Variants in DNAJC1 observed in about 807,000 individuals in gnomAD.
The protein encoded by DNAJC1 is dnaJ homolog subfamily C member 1.
A neutral mutation model predicts 76.6 loss-of-function variants in DNAJC1; 58 were observed. The observed-to-expected ratio is 0.76, with a 90% confidence interval of 0.61 to 0.94. DNAJC1 has a LOEUF of 0.94. Ranked by LOEUF, DNAJC1 falls within the 40% of genes least tolerant of loss-of-function variation. DNAJC1 has a pLI of 0.00. For synonymous variants in DNAJC1, 258 were observed against 267.9 expected, an observed-to-expected ratio of 0.96 and a Z score of 0.36; for missense variants, 689 against 677.3, an observed-to-expected ratio of 1.02 and a Z score of -0.19.
At chr10:21,814,186 C>CT (rs1370527768) in intron 8 of DNAJC1, among the ~76,000 whole-genome samples, 1 of 152,176 alleles carries the variant, frequency 6.6e-6, no homozygotes, top group Non-Finnish European at 1.5e-5. Flanking sequence ...GCAAATGTCA[C>CT]TTCCTTTTAC....
chr10:21,910,900 A>G (rs1378427881), intron 6 of DNAJC1, among the ~76,000 whole-genome samples: 1 of 145,552 alleles, frequency 6.9e-6, no homozygotes, highest in African/African-American at 2.6e-5. Flanking sequence ...AAAGGAAGGA[A>G]AGAAAAGGAA....
At chr10:21,990,960 T>C (rs1838318305) in intron 1 of DNAJC1, among the ~76,000 whole-genome samples, 1 of 152,136 alleles carries the variant, frequency 6.6e-6, no homozygotes, top group Admixed American at 6.5e-5. Flanking sequence ...GTGTACTCAT[T>C]AGGAGTTATG....
intron 1 of DNAJC1, among the ~76,000 whole-genome samples, chr10:21,985,897 C>T (rs754516500): frequency 4.6e-5 from 7 of 151,998 alleles, no homozygotes; most frequent in African/African-American, 9.7e-5. Flanking sequence ...CTAGGAGGAA[C>T]TGAGATGAAT....
chr10:21,997,317 C>G (rs1564848922), intron 1 of DNAJC1, among the ~76,000 whole-genome samples: 1 of 152,148 alleles, frequency 6.6e-6, no homozygotes. Flanking sequence ...ATAACTGATA[C>G]AGCTATTGAA....
intron 9 of DNAJC1, among the ~76,000 whole-genome samples, chr10:21,772,154 A>AT (rs553130424): frequency 1.0e-3 from 152 of 147,988 alleles, no homozygotes; most frequent in African/African-American, 3.2e-3. Context: ...ATTTTTTGAG[A>AT]TTTTTTTCAT....
At chr10:21,881,268 TTGCTTA>T (rs1836271091) in intron 8 of DNAJC1, among the ~76,000 whole-genome samples, 1 of 152,208 alleles carries the variant, frequency 6.6e-6, no homozygotes, top group Non-Finnish European at 1.5e-5. Context: ...GTTGTTTTGC[TTGCTTA>T]CCTTTGATGT....
At chr10:21,813,048 CACACATATATATACATATAT>C (rs1362933642) in intron 8 of DNAJC1, among the ~76,000 whole-genome samples, 6 of 143,676 alleles carry the variant, frequency 4.2e-5, no homozygotes, top group Non-Finnish European at 7.5e-5. Context: ...CACACACACA[CACACATATATATACATATAT>C]ACATATATAT....
intron 9 of DNAJC1, among the ~76,000 whole-genome samples, chr10:21,789,681 A>G (rs1415461648): frequency 3.3e-5 from 5 of 152,182 alleles, no homozygotes; most frequent in African/African-American, 1.2e-4. Context: ...AAAGAATCAA[A>G]TAGAAATCCT....
At chr10:21,896,742 G>A (rs912065157) in intron 7 of DNAJC1, among the ~76,000 whole-genome samples, 1 of 151,986 alleles carries the variant, frequency 6.6e-6, no homozygotes, top group African/African-American at 2.4e-5. Context: ...GGAAGGGGGG[G>A]GTTCAGAAGT....
intron 9 of DNAJC1, among the ~76,000 whole-genome samples, chr10:21,783,221 A>G (rs1209911203): frequency 6.6e-6 from 1 of 152,126 alleles, no homozygotes; most frequent in Non-Finnish European, 1.5e-5. Flanking sequence ...TACAAAATCA[A>G]TGTGCAAAAA....
At chr10:22,002,340 G>A (rs1838532045) in intron 1 of DNAJC1, among the ~76,000 whole-genome samples, 1 of 152,136 alleles carries the variant, frequency 6.6e-6, no homozygotes, top group African/African-American at 2.4e-5. Context: ...CTTCTCCTTC[G>A]CACAAGGCTT....
intron 1 of DNAJC1, among the ~76,000 whole-genome samples, chr10:21,992,705 A>T (rs1036649897): frequency 2.0e-5 from 3 of 152,228 alleles, no homozygotes; most frequent in Non-Finnish European, 4.4e-5. Flanking sequence ...GCTGTCAAAA[A>T]TCTGAAATAT....
chr10:21,944,551 T>C (rs1007359850), intron 1 of DNAJC1, among the ~76,000 whole-genome samples: 2 of 152,164 alleles, frequency 1.3e-5, no homozygotes, highest in African/African-American at 2.4e-5. Flanking sequence ...GACTTCCTAA[T>C]TGTATCAATC....
Position 21,834,060 on chromosome 10 carries a change from C to T in DNAJC1, c.979-27961G>A, listed in dbSNP as rs183963153. ...TGGGCGGACCACGAGGTCAGGAGAT[C>T]GAGACCATCCTGGGTAACACGGTGA... On this transcript the variant is annotated intron_variant, in intron 8 of 11. Coordinates refer to ENST00000376980, the MANE Select transcript of DNAJC1 (RefSeq NM_022365.4). 1.1e-4 allele frequency among the ~76,000 whole-genome samples: 16 copies of T among 152,060 alleles called. No individual in the cohort carries two copies. In the East Asian group the frequency reaches 1.4e-3, roughly 13 times the overall value.
At chr10:21,985,412 G>A (rs183575476) in intron 1 of DNAJC1, among the ~76,000 whole-genome samples, 1 of 152,232 alleles carries the variant, frequency 6.6e-6, no homozygotes, top group Non-Finnish European at 1.5e-5. Context: ...ACAGCACTCA[G>A]CTAATTTCGT....
intron 9 of DNAJC1, among the ~76,000 whole-genome samples, chr10:21,793,835 C>A (rs1834721214): frequency 6.6e-6 from 1 of 152,076 alleles, no homozygotes; most frequent in Non-Finnish European, 1.5e-5. Flanking sequence ...TCCCTGTAGT[C>A]CCAGCTACTG....
At chr10:21,877,419 A>G (rs907836786) in intron 8 of DNAJC1, among the ~76,000 whole-genome samples, 3 of 152,076 alleles carry the variant, frequency 2.0e-5, no homozygotes, top group East Asian at 1.9e-4. Context: ...GCCAAGCACA[A>G]TGGGAGAAAA....
intron 8 of DNAJC1, among the ~76,000 whole-genome samples, chr10:21,860,228 G>A (rs1048980536): frequency 1.1e-4 from 17 of 150,730 alleles, no homozygotes; most frequent in Non-Finnish European, 2.2e-4. Flanking sequence ...AACAAGGCAA[G>A]AATAAGAGGA....
intron 9 of DNAJC1, among the ~76,000 whole-genome samples, chr10:21,769,415 G>C (rs905396858): frequency 6.6e-6 from 1 of 152,218 alleles, no homozygotes; most frequent in African/African-American, 2.4e-5. Flanking sequence ...TGATTTTACA[G>C]AATCTGAGGC....
Sources: gnomAD v4.1 joint callset for allele counts (sites outside exome capture counted in the v4.1 genomes callset) on GRCh38, gnomAD v4.1.1 for gene constraint, MANE v1.5 for transcripts, NCBI Gene and HGNC (gene_info 2026-07-23, HGNC 2026-07-21) for gene names.